Variants in FOCAD observed in about 807,000 individuals in gnomAD.
FOCAD encodes the protein KIAA1797.
Under a neutral mutation model 225.6 loss-of-function variants are expected in FOCAD, and 198 were observed. The ratio of observed to expected loss-of-function variants is 0.88; its 90% confidence interval spans 0.78 to 0.99. The LOEUF (loss-of-function observed/expected upper bound fraction) is 0.99. FOCAD is among the 50% of genes least tolerant of loss of function. The pLI, the probability that FOCAD is intolerant of heterozygous loss-of-function variation, is 0.00. For missense variants in FOCAD, 2,713 were observed against 2,123.6 expected (o/e 1.28, Z -5.46); for synonymous variants, 897 against 755.0 (o/e 1.19, Z -3.08).
intron 2 of FOCAD, among the ~76,000 whole-genome samples, chr9:20,662,094 T>C (rs1318195701): frequency 6.6e-6 from 1 of 152,222 alleles, no homozygotes; most frequent in Non-Finnish European, 1.5e-5. Context: ...TATCTACAAG[T>C]AGTGGATGGG....
At position 20,823,122 on chromosome 9, in the gene FOCAD, A is replaced by G; in HGVS notation, c.1920+7A>G. Reference sequence around the variant, plus strand: ...TGCACTCTGTCAAGCTGAGGTAGGCATTTTTAAATTGCTTTGGATAATTTT... The same window carrying G: ...TGCACTCTGTCAAGCTGAGGTAGGCGTTTTTAAATTGCTTTGGATAATTTT... On this transcript the variant is annotated splice_region_variant and intron_variant, in intron 15 of 43. Transcript: ENST00000338382. 7 of 1,602,950 alleles carry G rather than the reference A, an allele frequency of 4.4e-6. No homozygotes were observed. Among genetic ancestry groups the G allele is most frequent in the Non-Finnish European group, 6.0e-6 (7 of 1,175,850 alleles).
At chr9:20,923,512 C>G in intron 24 of FOCAD, 148 bp from the exon 25 acceptor site, 1 of 591,870 alleles carries the variant, frequency 1.7e-6, no homozygotes, top group South Asian at 2.3e-5. Flanking sequence ...AAACTGTTGG[C>G]CTAACACAAC....
intron 11 of FOCAD, among the ~76,000 whole-genome samples, chr9:20,800,926 G>C (rs1184198487): frequency 2.6e-5 from 4 of 152,146 alleles, no homozygotes; most frequent in Admixed American, 6.5e-5. Context: ...GAGGCGCTCT[G>C]ATTTTTAGAA....
At chr9:20,994,725 G>A (rs747437064) in intron 43 of FOCAD, among the ~76,000 whole-genome samples, 14 of 152,140 alleles carry the variant, frequency 9.2e-5, no homozygotes, top group Admixed American at 7.2e-4. Flanking sequence ...GACCCATGGA[G>A]TTTGTGCTCA....
chr9:20,948,999 G>T, intron 32 of FOCAD, 71 bp downstream of exon 32: 1 of 1,396,322 alleles, frequency 7.2e-7, no homozygotes, highest in Non-Finnish European at 1.0e-6. Flanking sequence ...AGAATACCCA[G>T]TGTTTTAGTA....
intron 6 of FOCAD, among the ~76,000 whole-genome samples, chr9:20,760,029 G>A (rs536652464): frequency 1.3e-5 from 2 of 152,268 alleles, no homozygotes; most frequent in African/African-American, 2.4e-5. Context: ...CTACCATGAC[G>A]CTGGTTCAGG....
At chr9:20,790,398 C>T (rs1211106562) in intron 11 of FOCAD, among the ~76,000 whole-genome samples, 2 of 152,074 alleles carry the variant, frequency 1.3e-5, no homozygotes, top group Admixed American at 6.6e-5. Flanking sequence ...ATGAAGAAAC[C>T]TTCCATCTCC....
chr9:20,829,657 T>C (rs902341701), intron 15 of FOCAD, among the ~76,000 whole-genome samples: 2 of 152,122 alleles, frequency 1.3e-5, no homozygotes, highest in Non-Finnish European at 2.9e-5. Context: ...AAGTAAGAGA[T>C]ACTGGAAAGC....
intron 17 of FOCAD, 122 bp downstream of exon 17, chr9:20,866,098 T>TA (rs1247352595): frequency 1.4e-5 from 11 of 794,440 alleles, no homozygotes; most frequent in South Asian, 1.1e-4. Context: ...TCCCAATTTT[T>TA]AAAAAAAGTG....
chr9:20,900,853 C>T (rs1273806520), intron 21 of FOCAD, among the ~76,000 whole-genome samples: 1 of 151,744 alleles, frequency 6.6e-6, no homozygotes, highest in Non-Finnish European at 1.5e-5. Flanking sequence ...TGTCAGCTTT[C>T]AAGCTAATGT....
chr9:20,938,181 A>G (rs1314239634), intron 28 of FOCAD, among the ~76,000 whole-genome samples: 2 of 152,242 alleles, frequency 1.3e-5, no homozygotes, highest in Non-Finnish European at 2.9e-5. Flanking sequence ...GCGATTCCTC[A>G]GGGATCTGGA....
At chr9:20,666,434 G>T (rs1230778974) in intron 2 of FOCAD, among the ~76,000 whole-genome samples, 1 of 152,054 alleles carries the variant, frequency 6.6e-6, no homozygotes, top group Non-Finnish European at 1.5e-5. Context: ...GCTGGAAGTG[G>T]TGGTGCATGC....
Position 20,751,430 on chromosome 9 carries a change from A to G in FOCAD, c.393-6660A>G, listed in dbSNP as rs1270759904. Among the ~76,000 whole-genome samples the G allele has an allele frequency of 8.1e-4, 44 of 54,242 alleles. 1 individual carries two copies. The highest frequency in any genetic ancestry group is 1.4e-3 in the African/African-American group (23 of 16,978). 35.6% of individuals were successfully genotyped at this position (54,242 alleles called of 152,430 possible). ...GCAGTGTTTGGTTTTTTGTTCTTGC[A>G]ATAGTTTACTGAGAATGATGATTTC... On this transcript the variant is annotated intron_variant, in intron 5 of 43. Coordinates refer to ENST00000338382, the MANE Select transcript of FOCAD (RefSeq NM_001375567.1).
chr9:20,858,887 A>G (rs533254721), intron 15 of FOCAD, among the ~76,000 whole-genome samples: 2 of 152,206 alleles, frequency 1.3e-5, no homozygotes, highest in Non-Finnish European at 1.5e-5. Context: ...ATGTTTGTAT[A>G]GTTTCCAAAA....
intron 35 of FOCAD, among the ~76,000 whole-genome samples, chr9:20,963,555 A>G (rs1002946190): frequency 5.3e-5 from 8 of 152,206 alleles, no homozygotes; most frequent in African/African-American, 1.9e-4. Context: ...TTTTCTAAGT[A>G]GAAATCTATT....
At chr9:20,878,663 A>G (rs1830425698) in intron 19 of FOCAD, among the ~76,000 whole-genome samples, 1 of 152,186 alleles carries the variant, frequency 6.6e-6, no homozygotes. Context: ...AATCAATAGG[A>G]CATGTATATA....
intron 19 of FOCAD, among the ~76,000 whole-genome samples, chr9:20,880,455 C>A (rs947698756): frequency 6.6e-6 from 1 of 152,144 alleles, no homozygotes; most frequent in Admixed American, 6.6e-5. Context: ...CCTTTGATGT[C>A]CTGCCAGTGA....
chr9:20,731,978 C>T (rs1826753216), intron 4 of FOCAD, among the ~76,000 whole-genome samples: 1 of 152,100 alleles, frequency 6.6e-6, no homozygotes, highest in Non-Finnish European at 1.5e-5. Flanking sequence ...TTCTGGGATA[C>T]ATGTGCAAGA....
At chr9:20,730,139 C>T (rs1202154357) in intron 4 of FOCAD, among the ~76,000 whole-genome samples, 1 of 152,030 alleles carries the variant, frequency 6.6e-6, no homozygotes, top group Non-Finnish European at 1.5e-5. Flanking sequence ...GAGACTTTTT[C>T]TTAGGTGGGA....
Sources: allele counts gnomAD v4.1 joint callset (sites outside exome capture counted in the v4.1 genomes callset), GRCh38; gene constraint gnomAD v4.1.1; transcripts MANE v1.5; gene names NCBI Gene and HGNC (gene_info 2026-07-23, HGNC 2026-07-21).